Variants in EFCAB9 observed in about 807,000 individuals in gnomAD.
The protein encoded by EFCAB9 is EF-hand calcium binding domain 9, also known as EF-hand calcium-binding domain-containing protein 9.
EFCAB9 carries 16 observed loss-of-function variants against 15.6 expected under a neutral mutation model. That is an observed-to-expected ratio of 1.03 (90% CI 0.69 to 1.56). The LOEUF (loss-of-function observed/expected upper bound fraction) is 1.56, where lower values mean the gene tolerates loss of function less well. Among genes scored for constraint, EFCAB9 ranks in the 40% most tolerant of loss-of-function variants. The pLI is 0.00. For synonymous variants in EFCAB9, 76 were observed against 85.4 expected (o/e 0.89, Z 0.61); for missense variants, 208 against 235.4 (o/e 0.88, Z 0.76).
Position 172,203,210 on chromosome 5 carries a change from A to C in EFCAB9, c.463-4A>C. On this transcript the variant is annotated splice_polypyrimidine_tract_variant and splice_region_variant and intron_variant, in intron 3 of 3. Coordinates refer to ENST00000398186, the MANE Select transcript of EFCAB9 (RefSeq NM_001171183.2). The stretch of plus-strand genomic sequence containing the variant: ...TTTTTCTTTCCCCCCCACCCTAACC[A>C]AAGCGTCTTAATTATCAGGAATTTA... 6.6e-7 allele frequency: 1 copy of C among 1,510,334 alleles called. No individual in the cohort carries two copies. Among genetic ancestry groups the C allele is most frequent in the Admixed American group, 2.2e-5 (1 of 44,726 alleles). 93.6% of individuals were successfully genotyped at this position (1,510,334 alleles called of 1,614,324 possible). A position where few individuals can be genotyped will look rare whatever the true frequency, so the allele number is the denominator to read the frequency against.
chr5:172,197,696 GGTGA>G (rs1771184730), intron 1 of EFCAB9, among the ~76,000 whole-genome samples: 2 of 152,148 alleles, frequency 1.3e-5, no homozygotes, highest in South Asian at 4.1e-4. Flanking sequence ...AGACCCTCGC[GGTGA>G]GTGTTACAGC....
intron 2 of EFCAB9, 43 bp from the exon 3 acceptor site, chr5:172,200,523 T>A: frequency 6.7e-7 from 1 of 1,500,254 alleles, no homozygotes; most frequent in Non-Finnish European, 8.9e-7. Context: ...GAAAGCAGCA[T>A]CGACAACACT....
intron 1 of EFCAB9, among the ~76,000 whole-genome samples, chr5:172,197,531 T>A (rs1308357377): frequency 6.6e-6 from 1 of 152,198 alleles, no homozygotes; most frequent in East Asian, 1.9e-4. Flanking sequence ...ATCTGTAGTT[T>A]TATAATATCC....
intron 3 of EFCAB9, among the ~76,000 whole-genome samples, chr5:172,202,924 T>G (rs1346440200): frequency 6.6e-6 from 1 of 151,676 alleles, no homozygotes; most frequent in Admixed American, 6.6e-5. Flanking sequence ...CACTTGAACC[T>G]GGGAGGTGGA....
chr5:172,202,831 C>A (rs1425724826), intron 3 of EFCAB9, among the ~76,000 whole-genome samples: 1 of 152,130 alleles, frequency 6.6e-6, no homozygotes, highest in African/African-American at 2.4e-5. Context: ...GAAACCCCAT[C>A]TCTACTAAAA....
intron 2 of EFCAB9, among the ~76,000 whole-genome samples, 188 bp downstream of exon 2, chr5:172,199,719 C>T (rs750993533): frequency 1.1e-4 from 16 of 152,006 alleles, no homozygotes; most frequent in Admixed American, 5.2e-4. Flanking sequence ...GCCTCTTGGC[C>T]GCCCTCCTAC....
At chr5:172,196,160 C>T (rs927831552) in intron 1 of EFCAB9, among the ~76,000 whole-genome samples, 1 of 152,012 alleles carries the variant, frequency 6.6e-6, no homozygotes, top group Non-Finnish European at 1.5e-5. Context: ...TACTAAGTTG[C>T]ACATGGAAAC....
In EFCAB9 at chr5:172,203,242, A is replaced by G. The variant is rs1771288315; in HGVS notation, c.491A>G (p.Tyr164Cys). 6.5e-7 allele frequency: 1 copy of G among 1,535,308 alleles called. No homozygotes were observed. The highest frequency in any genetic ancestry group is 8.7e-7 in the Non-Finnish European group (1 of 1,146,202). Residue 164 changes from tyrosine to cysteine, a missense_variant, in exon 4 of 4, where the codon TAT becomes TGT. Coordinates refer to ENST00000398186, the MANE Select transcript of EFCAB9 (RefSeq NM_001171183.2). ...NRLNYQEFKL[Y>C]TIIYTDKLQK... ...CTTAATTATCAGGAATTTAAGCTGT[A>G]TACAATCATCTACACTGACAAATTA...
intron 1 of EFCAB9, among the ~76,000 whole-genome samples, 174 bp from the exon 2 acceptor site, chr5:172,199,209 G>A (rs1036909024): frequency 1.3e-5 from 2 of 152,168 alleles, no homozygotes; most frequent in African/African-American, 2.4e-5. Flanking sequence ...CAAGGGCGAC[G>A]AAGGTTTCAG....
chr5:172,202,702 C>T (rs10068973), intron 3 of EFCAB9, among the ~76,000 whole-genome samples: 1,741 of 150,278 alleles, frequency 0.012, 24 homozygotes, highest in African/African-American at 0.039. Context: ...AGTGAGACCC[C>T]GTCTCAAAAA....
chr5:172,203,103 T>G (rs1187971828), intron 3 of EFCAB9, 111 bp from the exon 4 acceptor site: 5 of 1,052,858 alleles, frequency 4.7e-6, no homozygotes, highest in Non-Finnish European at 6.6e-6. Context: ...TTACTGAGTG[T>G]CTTTAATTTT....
intron 1 of EFCAB9, among the ~76,000 whole-genome samples, chr5:172,197,747 T>C (rs990017876): frequency 4.6e-5 from 7 of 152,064 alleles, no homozygotes; most frequent in African/African-American, 1.7e-4. Flanking sequence ...GTAAGCAGCA[T>C]CAAGATTTAT....
intron 2 of EFCAB9, 55 bp downstream of exon 2, chr5:172,199,586 G>A: frequency 3.3e-6 from 5 of 1,523,392 alleles, no homozygotes; most frequent in Non-Finnish European, 4.4e-6. Context: ...ACTGAATTAG[G>A]AATGCATCAG....
chr5:172,194,289 C>T lies in EFCAB9; in HGVS notation c.117C>T (p.His39=), dbSNP rs140080604. The T allele has an allele frequency of 3.9e-4, 605 of 1,537,858 alleles. 3 individuals are homozygous for T. The South Asian group carries it at 4.1e-3, about 11-fold the overall frequency. The change falls in exon 1 of 4, where the codon CAC becomes CAT. Residue 39 remains histidine, a synonymous_variant. Coordinates refer to ENST00000398186, the MANE Select transcript of EFCAB9 (RefSeq NM_001171183.2). ...LAEYFHILDV[H]GKNTLNDVLF... is the part of the protein sequence containing the mutation. ...AATATTTTCATATTCTGGACGTGCA[C>T]GGCAAGAACACCTTGAATGGTCAGT...
chr5:172,199,435 G>T lies in EFCAB9; in HGVS notation c.189G>T (p.Gln63His), dbSNP rs371091080. The T allele has an allele frequency of 6.5e-7, 1 of 1,537,098 alleles. No individual in the cohort carries two copies. Among genetic ancestry groups the T allele is most frequent in the African/African-American group, 1.4e-5 (1 of 73,024 alleles). The change falls in exon 2 of 4, where the codon CAG (glutamine) becomes CAT (histidine). Residue 63 changes from glutamine to histidine, a missense_variant. Gln to His is a conservative substitution (Grantham distance 24, BLOSUM62 0). Coordinates refer to ENST00000398186, the MANE Select transcript of EFCAB9 (RefSeq NM_001171183.2). ...ATGTGACTGACTTGAAAAAGGCACA[G>T]ATCAACATTGTGTTTGACATGCTGG... is the stretch of plus-strand genomic sequence containing the variant. ...LHHVTDLKKA[Q>H]INIVFDMLDW...
chr5:172,196,605 A>C (rs1771167287), intron 1 of EFCAB9, among the ~76,000 whole-genome samples: 2 of 151,968 alleles, frequency 1.3e-5, no homozygotes, highest in Admixed American at 6.6e-5. Flanking sequence ...TGAACTCGTG[A>C]CCTCAGGTCA....
chr5:172,194,890 G>A (rs1024704447), intron 1 of EFCAB9, among the ~76,000 whole-genome samples: 1 of 151,692 alleles, frequency 6.6e-6, no homozygotes, highest in Non-Finnish European at 1.5e-5. Context: ...CTCATCTAGA[G>A]GTGAGGCTTC....
At position 172,200,592 on chromosome 5, in the gene EFCAB9, T is replaced by A; in HGVS notation, c.312T>A (p.Tyr104Ter). Residue 104 changes from tyrosine to a stop codon, truncating the protein, a stop_gained, in exon 3 of 4, where the codon TAT becomes TAA. Transcript: ENST00000398186. LOFTEE classifies it high-confidence loss of function. The part of the protein sequence containing the change: ...HQNHLEGQFM[Y>*]RHSRPVFDLL... ...ACCATTTGGAAGGACAGTTTATGTA[T>A]CGTCATTCCCGGCCTGTCTTTGACC... is the stretch of plus-strand genomic sequence containing the variant. 1 of 1,537,082 alleles carries A rather than the reference T, an allele frequency of 6.5e-7. No individual in the cohort carries two copies. The highest frequency in any genetic ancestry group is 8.7e-7 in the Non-Finnish European group (1 of 1,146,868).
intron 1 of EFCAB9, among the ~76,000 whole-genome samples, chr5:172,195,069 C>T (rs575037428): frequency 6.6e-6 from 1 of 152,076 alleles, no homozygotes; most frequent in Non-Finnish European, 1.5e-5. Flanking sequence ...GGAGACCCCT[C>T]AGCAAGATTT....
Sources: gnomAD v4.1 joint callset for allele counts (sites outside exome capture counted in the v4.1 genomes callset) on GRCh38, gnomAD v4.1.1 for gene constraint, MANE v1.5 for transcripts, NCBI Gene and HGNC (gene_info 2026-07-23, HGNC 2026-07-21) for gene names.